Variants in TNK2 observed in about 807,000 individuals in gnomAD.
TNK2 encodes the protein tyrosine kinase non receptor 2.
Under a neutral mutation model 101.8 loss-of-function variants are expected in TNK2, and 83 were observed. That is an observed-to-expected ratio of 0.82 (90% CI 0.68 to 0.98). The LOEUF is 0.98. Ranked by LOEUF, TNK2 falls within the 50% of genes least tolerant of loss-of-function variation. TNK2 has a pLI of 0.00. For synonymous variants in TNK2, 804 were observed against 633.0 expected, an observed-to-expected ratio of 1.27 and a Z score of -4.06; for missense variants, 1,665 against 1,483.2, an observed-to-expected ratio of 1.12 and a Z score of -2.01.
intron 2 of TNK2, among the ~76,000 whole-genome samples, chr3:195,887,841 T>C (rs1756532658): frequency 7.5e-6 from 1 of 133,570 alleles, no homozygotes; most frequent in Non-Finnish European, 1.6e-5. Context: ...CACACGTGTG[T>C]GTGTGTGTGC....
rs1409464905 is a variant in TNK2, at chr3:195,882,436, T to C, written c.610-108A>G. 1 of 1,561,652 alleles carries C rather than the reference T, an allele frequency of 6.4e-7. No homozygotes were observed. The highest frequency in any genetic ancestry group is 8.7e-7 in the Non-Finnish European group (1 of 1,153,752). On this transcript the variant is annotated intron_variant, in intron 5 of 15. Coordinates refer to ENST00000672887, the MANE Select transcript of TNK2 (RefSeq NM_001382273.1). This position sits in a 1 kb window ranked among gnomAD's most constrained non-coding sequence, Gnocchi z 4.2. ...TCCTGAAGGCTTTCCAGAGCCAGGC[T>C]GCACGCACCTTCCTGGCCTGCTGTC... is the stretch of plus-strand genomic sequence containing the variant.
chr3:195,866,935 G>C lies in TNK2; in HGVS notation c.3115C>G (p.Gln1039Glu). ...GAGCCCAGAAGGTGGCAGCCGGCCT[G>C]CTCCAGGTTCCAGTCGAACATCTCC... ...VLEMFDWNLEQAGCHLLGSWG... is the reference protein window; with the variant it reads ...VLEMFDWNLEEAGCHLLGSWG... The change falls in exon 15 of 16, where the codon CAG becomes GAG. Residue 1039 changes from glutamine to glutamate, a missense_variant. Gln to Glu is a conservative substitution (Grantham distance 29). Around this residue, in one of 3 missense-constraint regions of TNK2, gnomAD observed 1,136 missense variants for 894.9 expected, o/e 1.27. Transcript: ENST00000672887. 6.2e-7 allele frequency: 1 copy of C among 1,612,706 alleles called. No homozygotes were observed. Among genetic ancestry groups the C allele is most frequent in the Non-Finnish European group, 8.5e-7 (1 of 1,179,730 alleles).
intron 11 of TNK2, 157 bp downstream of exon 11, chr3:195,869,957 A>T: frequency 1.6e-6 from 1 of 614,430 alleles, no homozygotes; most frequent in Non-Finnish European, 2.8e-6. Context: ...CTTCCACCCC[A>T]CGCCCAGCCG....
At chr3:195,902,241 G>A (rs758359903) in intron 1 of TNK2, among the ~76,000 whole-genome samples, 1 of 152,168 alleles carries the variant, frequency 6.6e-6, no homozygotes, top group African/African-American at 2.4e-5. Flanking sequence ...CCCAGGAACT[G>A]GCAGCCCCGG....
chr3:195,876,275 T>C (rs1307942581), intron 9 of TNK2, among the ~76,000 whole-genome samples: 1 of 152,210 alleles, frequency 6.6e-6, no homozygotes, highest in Non-Finnish European at 1.5e-5. Context: ...TGAGAAGGAC[T>C]GAGCCTAGAC....
Position 195,870,170 on chromosome 3 carries a change from A to T in TNK2, c.1487T>A (p.Leu496His). 1 of 1,472,314 alleles carries T rather than the reference A, an allele frequency of 6.8e-7. No homozygotes were observed. Among genetic ancestry groups the T allele is most frequent in the Non-Finnish European group, 9.1e-7 (1 of 1,100,278 alleles). The allele number at this position is 1,472,314 out of a possible 1,614,324, so 91.2% of individuals were successfully genotyped here. ...GGAGGTGCTCAGTTCCACGCTCAGG[A>T]GGTCGGGGGGGTCCATGGGGTTTCC... is the stretch of plus-strand genomic sequence containing the variant. ...YLGNPMDPPD[L>H]LSVELSTSRP... Residue 496 changes from leucine (L) to histidine (H), a missense_variant, in exon 11 of 16, where the codon CTC becomes CAC. Around this residue, in one of 3 missense-constraint regions of TNK2, gnomAD observed 1,136 missense variants for 894.9 expected, o/e 1.27. Transcript: ENST00000672887.
intron 1 of TNK2, among the ~76,000 whole-genome samples, chr3:195,891,688 G>T (rs1758527888): frequency 6.6e-6 from 1 of 152,070 alleles, no homozygotes; most frequent in African/African-American, 2.4e-5. Context: ...CCTCAGGATG[G>T]AGGCTCCTAG....
chr3:195,903,084 G>C (rs1298437461), intron 1 of TNK2, among the ~76,000 whole-genome samples: 1 of 139,070 alleles, frequency 7.2e-6, no homozygotes, highest in Non-Finnish European at 1.6e-5. Context: ...TTTTGTGACA[G>C]AGTCGGAATG....
At chr3:195,873,706 G>T (rs1747096310) in intron 9 of TNK2, among the ~76,000 whole-genome samples, 1 of 152,212 alleles carries the variant, frequency 6.6e-6, no homozygotes. Context: ...GGCGACGCCT[G>T]GGCACCCAGA....
chr3:195,905,410 A>AG (rs1761623092), intron 1 of TNK2, among the ~76,000 whole-genome samples: 1 of 152,036 alleles, frequency 6.6e-6, no homozygotes, highest in African/African-American at 2.4e-5. Flanking sequence ...TACGTTCACC[A>AG]GCTTGGCCTT....
intron 1 of TNK2, among the ~76,000 whole-genome samples, chr3:195,906,646 G>A (rs1761749000): frequency 6.6e-6 from 1 of 152,080 alleles, no homozygotes; most frequent in Admixed American, 6.5e-5. Context: ...GGGGAATAAG[G>A]GGGATGTTCA....
chr3:195,878,228 C>T lies in TNK2; in HGVS notation c.1256+25G>A, dbSNP rs775260535. ...CTGTGCCCTTCAAGCGATCCCAGGG[C>T]GGGGCCCAGCCCTGCACTCCCTACC... On this transcript the variant is annotated intron_variant, in intron 9 of 15. Transcript: ENST00000672887. This position sits in a 1 kb window ranked among gnomAD's most constrained non-coding sequence, Gnocchi z 4.7. The T allele has an allele frequency of 9.9e-6, 16 of 1,612,164 alleles. No homozygotes were observed. The highest frequency in any genetic ancestry group is 8.3e-5 in the Admixed American group (5 of 60,002).
intron 15 of TNK2, 74 bp downstream of exon 15, chr3:195,866,815 T>A: frequency 6.4e-7 from 1 of 1,553,274 alleles, no homozygotes; most frequent in Non-Finnish European, 8.7e-7. Flanking sequence ...GGTGTTGGGC[T>A]TCCTCCCAGT....
intron 12 of TNK2, 177 bp downstream of exon 12, chr3:195,869,320 G>A (rs530304730): frequency 8.8e-5 from 60 of 685,386 alleles, no homozygotes; most frequent in African/African-American, 3.2e-4. Context: ...CCCAGGCTCC[G>A]GGGGGCGGGC....
rs368755353 is a variant in TNK2, at chr3:195,868,153, G to A, written c.2145C>T (p.Ser715=). The change falls in exon 13 of 16, where the codon TCC becomes TCT. Residue 715 remains serine (S), a synonymous_variant. Coordinates refer to ENST00000672887, the MANE Select transcript of TNK2 (RefSeq NM_001382273.1). ...PPQGGGKPPS[S]AQTAEIFQAL... is the part of the protein sequence containing the mutation. ...CCTGGAAGATCTCTGCGGTCTGTGC[G>A]GAGCTGGGCGGCTTGCCCCCACCCT... The A allele has an allele frequency of 4.3e-5, 70 of 1,610,956 alleles. No homozygotes were observed. Among genetic ancestry groups the A allele is most frequent in the South Asian group, 1.3e-4 (12 of 90,900 alleles).
Position 195,867,725 on chromosome 3 carries a change from C to T in TNK2, c.2573G>A (p.Cys858Tyr), listed in dbSNP as rs1194007173. The T allele has an allele frequency of 6.2e-7, 1 of 1,604,264 alleles. No homozygotes were observed. The highest frequency in any genetic ancestry group is 1.3e-5 in the African/African-American group (1 of 74,688). ...GCCATCCCGGACGATGGGCAGGATG[C>T]AGGGACCAGCCCGCGGGCCAGGGGC... The part of the protein sequence containing the change: ...IQAPGPRAGP[C>Y]ILPIVRDGKK... Residue 858 changes from cysteine (C) to tyrosine (Y), a missense_variant, in exon 13 of 16, where the codon TGC (cysteine) becomes TAC (tyrosine). By Grantham distance (194) the Cys-to-Tyr change is radical (BLOSUM62 -2). Coordinates refer to ENST00000672887, the MANE Select transcript of TNK2 (RefSeq NM_001382273.1).
At chr3:195,873,824 C>T (rs369141514) in intron 9 of TNK2, among the ~76,000 whole-genome samples, 79 of 147,572 alleles carry the variant, frequency 5.4e-4, no homozygotes, top group African/African-American at 1.8e-3. Flanking sequence ...GGCGGGGAGG[C>T]GGGGGGCGCG....
chr3:195,902,212 C>A (rs73891171), intron 1 of TNK2, among the ~76,000 whole-genome samples: 1 of 152,264 alleles, frequency 6.6e-6, no homozygotes, highest in South Asian at 2.1e-4. Flanking sequence ...CTTGACTGAC[C>A]GCCTGCAATC....
intron 2 of TNK2, among the ~76,000 whole-genome samples, chr3:195,887,879 C>T (rs538267761): frequency 2.0e-3 from 276 of 135,474 alleles, no homozygotes; most frequent in Middle Eastern, 0.012. Flanking sequence ...CGTGTGAGCG[C>T]GTGCGTACGC....
Sources: allele counts gnomAD v4.1 joint callset (sites outside exome capture counted in the v4.1 genomes callset), GRCh38; gene constraint gnomAD v4.1.1; regional missense constraint gnomAD v4.1.1; non-coding constraint Gnocchi (gnomAD v3.1); transcripts MANE v1.5; gene names NCBI Gene and HGNC (gene_info 2026-07-23, HGNC 2026-07-21).